SYNE1: variants seen among roughly 807,000 people sequenced by gnomAD.
SYNE1 encodes nesprin-1.
SYNE1 carries 616 observed loss-of-function variants against 1,111.0 expected under a neutral mutation model. The ratio of observed to expected loss-of-function variants is 0.55; its 90% CI spans 0.52 to 0.59. The LOEUF (loss-of-function observed/expected upper bound fraction) is 0.59. SYNE1 is among the 20% of genes least tolerant of loss of function. The probability of loss-of-function intolerance (pLI) is 0.00; values close to 1 mark genes in which losing one functional copy is unlikely to be tolerated. For missense variants in SYNE1, 10,006 were observed against 10,417.0 expected (o/e 0.96, Z 1.72); for synonymous variants, 3,855 against 3,825.8 (o/e 1.01, Z -0.28).
intron 63 of SYNE1, 80 bp downstream of exon 63, chr6:152,364,767 C>T (rs1481365428): frequency 3.8e-6 from 6 of 1,572,260 alleles, no homozygotes; most frequent in Middle Eastern, 1.7e-4. Context: ...GGAAGCCGGC[C>T]ACAGGAATGG....
At chr6:152,320,171 G>T (rs2095839258) in intron 84 of SYNE1, 1 of 152,072 alleles carries the variant, frequency 6.6e-6, no homozygotes, top group Non-Finnish European at 1.5e-5. Context: ...AATATAAAAA[G>T]ACCATGAACT....
At chr6:152,160,917 C>CATTTTTTTTTTTTATTTTAGATATATAT (rs1448665975) in intron 131 of SYNE1, among the ~76,000 whole-genome samples, 1 of 151,842 alleles carries the variant, frequency 6.6e-6, no homozygotes, top group African/African-American at 2.4e-5. Flanking sequence ...TCTGCAAATG[C>CATTTTTTTTTTTTATTTTAGATATATAT]ATGTTTTTCA....
At chr6:152,253,170 G>A (rs1283475309) in intron 104 of SYNE1, among the ~76,000 whole-genome samples, 1 of 151,930 alleles carries the variant, frequency 6.6e-6, no homozygotes, top group Non-Finnish European at 1.5e-5. Context: ...CTCTAATGAA[G>A]GCCCACATTC....
In SYNE1 at chr6:152,407,102, C is replaced by G; in HGVS notation, c.6635G>C (p.Trp2212Ser). ...VLSTRDEIEG[W>S]SNNCVPQMAE... ...CATCTGTGGAACGCAGTTGTTTGAC[C>G]ATCCCTCAATCTCATCTCTAGTTGA... is the stretch of plus-strand genomic sequence containing the variant. Residue 2212 changes from tryptophan to serine, a missense_variant, in exon 45 of 146, where the codon TGG becomes TCG. Physicochemically the swap from Trp to Ser is radical, Grantham distance 177 (BLOSUM62 -3). This residue lies in a region of SYNE1 where 4,955 missense variants were observed against 5,017.2 expected (regional missense o/e 0.99). Transcript: ENST00000367255. 1 of 1,613,680 alleles carries G rather than the reference C, an allele frequency of 6.2e-7. No homozygotes were observed. Among genetic ancestry groups the G allele is most frequent in the Non-Finnish European group, 8.5e-7 (1 of 1,179,878 alleles).
chr6:152,187,726 T>A (rs1382691262), intron 128 of SYNE1, among the ~76,000 whole-genome samples: 1 of 149,110 alleles, frequency 6.7e-6, no homozygotes, highest in Non-Finnish European at 1.5e-5. Context: ...AGTTTGTGTG[T>A]GTGAGAGAGA....
intron 95 of SYNE1, among the ~76,000 whole-genome samples, chr6:152,291,114 TGC>T (rs1421484182): frequency 0.5 from 63,576 of 127,706 alleles, 24,155 homozygotes; most frequent in Non-Finnish European, 0.56. Flanking sequence ...TATTAATATA[TGC>T]AATTATATTA....
At chr6:152,586,887 A>G (rs1367075348) in intron 3 of SYNE1, among the ~76,000 whole-genome samples, 1 of 152,136 alleles carries the variant, frequency 6.6e-6, no homozygotes, top group Admixed American at 6.5e-5. Flanking sequence ...TGCTAAGTCT[A>G]TTCTAGGTCA....
chr6:152,345,737 TA>T (rs1387926700), intron 73 of SYNE1, among the ~76,000 whole-genome samples: 1 of 152,194 alleles, frequency 6.6e-6, no homozygotes, highest in Non-Finnish European at 1.5e-5. Context: ...TAAAGGCTTA[TA>T]AAAACTCTTT....
intron 49 of SYNE1, among the ~76,000 whole-genome samples, chr6:152,397,233 T>A (rs990635872): frequency 6.6e-6 from 1 of 152,146 alleles, no homozygotes; most frequent in Non-Finnish European, 1.5e-5. Flanking sequence ...CAAGGTCTTG[T>A]TCTCAGTCTC....
intron 3 of SYNE1, among the ~76,000 whole-genome samples, chr6:152,591,477 A>AC (rs2128518121): frequency 6.6e-6 from 1 of 152,296 alleles, no homozygotes; most frequent in South Asian, 2.1e-4. Context: ...TTGAAACAGG[A>AC]CCCCTACCTT....
intron 14 of SYNE1, among the ~76,000 whole-genome samples, chr6:152,479,798 A>G (rs910613496): frequency 4.6e-5 from 7 of 152,338 alleles, no homozygotes; most frequent in African/African-American, 1.7e-4. Flanking sequence ...TCTTACACAT[A>G]TATACATATA....
At chr6:152,250,271 A>C (rs1361201041) in intron 104 of SYNE1, among the ~76,000 whole-genome samples, 3 of 151,996 alleles carry the variant, frequency 2.0e-5, no homozygotes, top group Admixed American at 2.0e-4. Flanking sequence ...AAAAATTACC[A>C]AAAAAATGTA....
In SYNE1 at chr6:152,422,749, T is replaced by C. The variant is rs370102246; in HGVS notation, c.5267+2632A>G. Among the ~76,000 whole-genome samples the C allele has an allele frequency of 7.9e-5, 12 of 152,244 alleles. No homozygotes were observed. The East Asian group carries it at 1.9e-3, about 25-fold the overall frequency. On this transcript the variant is annotated intron_variant, in intron 39 of 145. Transcript: ENST00000367255. ...GTTTTGAACTCCCAGCCTTGAGCAA[T>C]CCCCTCACCTTGGCCTCCCAAAACT...
At chr6:152,534,185 TG>T (rs1362542045) in intron 4 of SYNE1, among the ~76,000 whole-genome samples, 2 of 138,368 alleles carry the variant, frequency 1.4e-5, no homozygotes, top group South Asian at 2.3e-4. Context: ...AATGAATGAA[TG>T]AATGAATGAA....
intron 3 of SYNE1, among the ~76,000 whole-genome samples, chr6:152,625,532 T>C (rs1382420399): frequency 6.6e-6 from 1 of 152,218 alleles, no homozygotes; most frequent in Non-Finnish European, 1.5e-5. Flanking sequence ...AAGTAATTGA[T>C]ACCAAAGGCT....
At chr6:152,596,186 C>T (rs866424571) in intron 3 of SYNE1, among the ~76,000 whole-genome samples, 1 of 134,540 alleles carries the variant, frequency 7.4e-6, no homozygotes, top group African/African-American at 2.8e-5. Context: ...TCAGTATTTA[C>T]TTTAAGGCCA....
intron 115 of SYNE1, among the ~76,000 whole-genome samples, chr6:152,228,066 T>C (rs2082000525): frequency 6.6e-6 from 1 of 152,146 alleles, no homozygotes; most frequent in Non-Finnish European, 1.5e-5. Flanking sequence ...TAAAACAAAA[T>C]AAAGCTGGAA....
chr6:152,601,364 T>C (rs2099595615), intron 3 of SYNE1, among the ~76,000 whole-genome samples: 1 of 152,194 alleles, frequency 6.6e-6, no homozygotes, highest in Non-Finnish European at 1.5e-5. Context: ...ACCTAATCCA[T>C]GGGTTAATAA....
chr6:152,122,276 C>G lies in SYNE1; in HGVS notation c.*160G>C. On this transcript the variant is annotated 3_prime_UTR_variant, in exon 146 of 146. Transcript: ENST00000367255. ...CCCCGTCACTGTTTATCTTCCACCT[C>G]TGAAGCCATAATTTGCACACATGTG... 1 of 1,121,534 alleles carries G rather than the reference C, an allele frequency of 8.9e-7. No individual in the cohort carries two copies. Among genetic ancestry groups the G allele is most frequent in the South Asian group, 1.4e-5 (1 of 72,646 alleles). 69.5% of individuals were successfully genotyped at this position (1,121,534 alleles called of 1,614,324 possible).
Sources: gnomAD v4.1 joint callset for allele counts (sites outside exome capture counted in the v4.1 genomes callset) on GRCh38, gnomAD v4.1.1 for gene constraint, gnomAD v4.1.1 regional missense constraint, MANE v1.5 for transcripts, NCBI Gene and HGNC (gene_info 2026-07-23, HGNC 2026-07-21) for gene names.